Variants in DENND2B observed in about 807,000 individuals in gnomAD.
The protein encoded by DENND2B is DENN domain containing 2B, also known as DENN domain-containing protein 2B.
DENND2B carries 32 observed loss-of-function variants against 116.0 expected under a neutral mutation model. That is an observed-to-expected ratio of 0.28 (90% confidence interval 0.21 to 0.37). DENND2B has a LOEUF of 0.37. Among genes scored for constraint, DENND2B ranks in the 10% least tolerant of loss-of-function variants. DENND2B has a pLI of 1.00. For missense variants in DENND2B, 1,276 were observed against 1,477.7 expected (o/e 0.86, Z 2.24); for synonymous variants, 588 against 583.9 (o/e 1.01, Z -0.10).
intron 2 of DENND2B, among the ~76,000 whole-genome samples, chr11:8,859,376 C>T (rs948842064): frequency 2.0e-5 from 3 of 151,954 alleles, no homozygotes; most frequent in Admixed American, 6.6e-5. Context: ...GGCGCGATCT[C>T]GGCTCACTGC....
chr11:8,744,155 C>A (rs1459482656), intron 2 of DENND2B, among the ~76,000 whole-genome samples: 1 of 134,860 alleles, frequency 7.4e-6, no homozygotes, highest in Non-Finnish European at 1.6e-5. Flanking sequence ...TTTTGGGGGA[C>A]AGAGTTTTGC....
chr11:8,747,632 C>G (rs1370553920), intron 2 of DENND2B, among the ~76,000 whole-genome samples: 1 of 152,176 alleles, frequency 6.6e-6, no homozygotes, highest in East Asian at 1.9e-4. Context: ...ATCTTGTGAG[C>G]TGAAATGGGA....
chr11:8,907,453 C>T (rs2064252861), intron 1 of DENND2B, among the ~76,000 whole-genome samples: 1 of 152,100 alleles, frequency 6.6e-6, no homozygotes, highest in African/African-American at 2.4e-5. Flanking sequence ...CTGTGGTTTA[C>T]AGGATGAATC....
intron 1 of DENND2B, among the ~76,000 whole-genome samples, chr11:8,757,861 A>G (rs2053887881): frequency 6.6e-6 from 1 of 152,224 alleles, no homozygotes; most frequent in African/African-American, 2.4e-5. Flanking sequence ...CTTCTAATTT[A>G]GTTCTCACCA....
In DENND2B at chr11:8,793,282, C is replaced by T. The variant is rs1051779377; in HGVS notation, c.-26+17235G>A. ...TCACAATGTTGTGCAACCATTACCA[C>T]TATTTCCCAAACTTCTCCAAACAGT... On this transcript the variant is annotated intron_variant, in intron 1 of 19. Transcript: ENST00000313726. Among the ~76,000 whole-genome samples, 22 of 152,304 alleles carry T rather than the reference C, an allele frequency of 1.4e-4. 1 individual carries two copies. Among genetic ancestry groups the T allele is most frequent in the Non-Finnish European group, 1.9e-4 (13 of 68,032 alleles).
At chr11:8,886,299 A>G (rs549402405) in intron 1 of DENND2B, among the ~76,000 whole-genome samples, 5 of 152,294 alleles carry the variant, frequency 3.3e-5, no homozygotes, top group Non-Finnish European at 7.4e-5. Context: ...CTTTTCTACT[A>G]GTGAAGCACT....
At chr11:8,725,502 G>C (rs1054476815) in intron 4 of DENND2B, among the ~76,000 whole-genome samples, 2 of 151,642 alleles carry the variant, frequency 1.3e-5, no homozygotes, top group Non-Finnish European at 1.5e-5. Context: ...AGCCTCCCTA[G>C]TAGCTGGGAT....
At chr11:8,852,003 G>A (rs547640929) in intron 3 of DENND2B, among the ~76,000 whole-genome samples, 27 of 152,238 alleles carry the variant, frequency 1.8e-4, no homozygotes, top group African/African-American at 5.5e-4. Flanking sequence ...CAGTAGAGGA[G>A]AAAAACGTTA....
At chr11:8,884,885 C>G (rs2063944087) in intron 1 of DENND2B, among the ~76,000 whole-genome samples, 2 of 152,208 alleles carry the variant, frequency 1.3e-5, no homozygotes, top group Admixed American at 1.3e-4. Context: ...AGAGTCATGT[C>G]TTCCAACTAA....
chr11:8,844,886 C>G (rs886907764), intron 3 of DENND2B, among the ~76,000 whole-genome samples: 3 of 152,060 alleles, frequency 2.0e-5, no homozygotes, highest in African/African-American at 7.2e-5. Context: ...AGATGCCCAC[C>G]ACATTGCTCA....
At chr11:8,697,452 G>A (rs567151091) in intron 17 of DENND2B, 73 bp downstream of exon 17, 132 of 1,161,894 alleles carry the variant, frequency 1.1e-4, no homozygotes, top group Non-Finnish European at 1.7e-4. Flanking sequence ...GCAGAGTTCT[G>A]GCCCTATGGG....
chr11:8,729,890 T>C, intron 3 of DENND2B, 60 bp downstream of exon 3: 1 of 1,581,520 alleles, frequency 6.3e-7, no homozygotes, highest in African/African-American at 1.3e-5. Flanking sequence ...GTGTTTGCAC[T>C]GTCCATTTAA....
At chr11:8,771,566 A>AGAGAGAGAGAGAGAGCGC (rs146752028) in intron 1 of DENND2B, 1 of 120,310 alleles carries the variant, frequency 8.3e-6, no homozygotes. Flanking sequence ...AGAGAGAGAG[A>AGAGAGAGAGAGAGAGCGC]GCCTTCTTCC....
chr11:8,817,281 G>A (rs2316863), intron 4 of DENND2B, among the ~76,000 whole-genome samples: 1 of 151,954 alleles, frequency 6.6e-6, no homozygotes, highest in Non-Finnish European at 1.5e-5. Flanking sequence ...TGGGTGCTAT[G>A]AGGGCCTTCA....
rs2047957402 is a variant in DENND2B, at chr11:8,730,590, CGGA to C, written c.697_699del (p.Ser233del). On this transcript the variant is annotated inframe_deletion, in exon 3 of 20. Coordinates refer to ENST00000313726, the MANE Select transcript of DENND2B (RefSeq NM_213618.2). This position sits in a 1 kb window ranked among gnomAD's most constrained non-coding sequence, Gnocchi z 4.1. ...TCCTCAGTCTCTGGGTAGGAACACT[CGGA>C]GAAGGTCCTGCTCATCCTCCGGAGG... 1.2e-6 allele frequency: 2 copies of C among 1,613,056 alleles called. No individual in the cohort carries two copies. Among genetic ancestry groups the C allele is most frequent in the Admixed American group, 3.3e-5 (2 of 60,014 alleles).
At chr11:8,714,753 C>T (rs780631301) in intron 6 of DENND2B, 47 bp from the exon 7 acceptor site, 1 of 1,532,124 alleles carries the variant, frequency 6.5e-7, no homozygotes, top group Non-Finnish European at 9.0e-7. Context: ...ACACCAGCTG[C>T]CCTACTTCCA....
At chr11:8,809,799 C>T (rs1594034325) in intron 1 of DENND2B, 1 of 152,288 alleles carries the variant, frequency 6.6e-6, no homozygotes, top group African/African-American at 2.4e-5. Context: ...TGAGAGCTCA[C>T]TCTGGGACAT....
At position 8,740,140 on chromosome 11, in the gene DENND2B, G is replaced by C. The variant is rs555979888; in HGVS notation, c.81-8931C>G. Among the ~76,000 whole-genome samples, 11 of 151,516 alleles carry C rather than the reference G, an allele frequency of 7.3e-5. No homozygotes were observed. The South Asian group carries it at 1.9e-3, about 26-fold the overall frequency. On this transcript the variant is annotated intron_variant, in intron 2 of 19. Transcript: ENST00000313726. ...GGAGGTCAAGGCTACAGTGAGCCAT[G>C]GTTACACCATGGCACTCTAGCCTGG... is the stretch of plus-strand genomic sequence containing the variant.
chr11:8,693,367 C>T lies in DENND2B; in HGVS notation c.*729G>A, dbSNP rs1385071152. 6.5e-6 allele frequency: 1 copy of T among 152,754 alleles called. No homozygotes were observed. Among genetic ancestry groups the T allele is most frequent in the Non-Finnish European group, 1.5e-5 (1 of 68,112 alleles). The allele number at this position is 152,754 out of a possible 1,614,324, so 9.5% of individuals were successfully genotyped here. A position where few individuals can be genotyped will look rare whatever the true frequency, so the allele number is the denominator to read the frequency against. On this transcript the variant is annotated 3_prime_UTR_variant, in exon 20 of 20. Transcript: ENST00000313726. Reference sequence around the variant, plus strand: ...CACATGAGGCTCTGGGCCCAAACAACTGTACATTGTTTATTGAGAACACCC... The same window carrying T: ...CACATGAGGCTCTGGGCCCAAACAATTGTACATTGTTTATTGAGAACACCC...
Sources: gnomAD v4.1 joint callset for allele counts (sites outside exome capture counted in the v4.1 genomes callset) on GRCh38, gnomAD v4.1.1 for gene constraint, Gnocchi (gnomAD v3.1) non-coding constraint, MANE v1.5 for transcripts, NCBI Gene and HGNC (gene_info 2026-07-23, HGNC 2026-07-21) for gene names.